ATP6V1C1: variants seen among roughly 807,000 people sequenced by gnomAD.
The protein encoded by ATP6V1C1 is ATPase H+ transporting V1 subunit C1.
A neutral mutation model predicts 53.9 loss-of-function variants in ATP6V1C1; 45 were observed. The ratio of observed to expected loss-of-function variants is 0.83; its 90% confidence interval spans 0.66 to 1.07. The LOEUF is 1.07. Ranked by LOEUF, ATP6V1C1 falls within the 50% of genes least tolerant of loss-of-function variation. The pLI is 0.00. For synonymous variants in ATP6V1C1, 153 were observed against 155.2 expected (o/e 0.99, Z 0.11); for missense variants, 315 against 440.3 (o/e 0.72, Z 2.55).
intron 5 of ATP6V1C1, 29 bp from the exon 6 acceptor site, chr8:103,052,702 T>C: frequency 6.8e-7 from 1 of 1,471,430 alleles, no homozygotes; most frequent in Non-Finnish European, 9.1e-7. Context: ...GAAAATTTTA[T>C]CTATTTTTCT....
At chr8:103,022,171 A>T (rs550036219) in intron 1 of ATP6V1C1, among the ~76,000 whole-genome samples, 9 of 152,340 alleles carry the variant, frequency 5.9e-5, no homozygotes, top group African/African-American at 1.9e-4. Flanking sequence ...CTATGGGAAG[A>T]TATTCTGGAG....
intron 8 of ATP6V1C1, 119 bp from the exon 9 acceptor site, chr8:103,062,836 T>G: frequency 2.7e-6 from 2 of 739,360 alleles, no homozygotes; most frequent in Non-Finnish European, 4.5e-6. Flanking sequence ...AGCATTGAGG[T>G]GATTTGGGAA....
At chr8:103,062,229 G>C (rs886156972) in intron 8 of ATP6V1C1, among the ~76,000 whole-genome samples, 4 of 130,024 alleles carry the variant, frequency 3.1e-5, no homozygotes, top group African/African-American at 8.8e-5. Context: ...GGAGTGCAGT[G>C]GTGCAATCTC....
Position 103,070,901 on chromosome 8 carries a change from A to C in ATP6V1C1, c.*2154A>C, listed in dbSNP as rs2131409007. ...TAAAATGGGCATGATTAGAGTGCCC[A>C]CCGCATTAGGGATGTTGGGGTGAGT... is the stretch of plus-strand genomic sequence containing the variant. On this transcript the variant is annotated 3_prime_UTR_variant, in exon 13 of 13. Coordinates refer to ENST00000518738, the MANE Select transcript of ATP6V1C1 (RefSeq NM_001695.5). 1 of 152,248 alleles carries C rather than the reference A, an allele frequency of 6.6e-6. No individual in the cohort carries two copies. Among genetic ancestry groups the C allele is most frequent in the East Asian group, 1.9e-4 (1 of 5,194 alleles). The allele number at this position is 152,248 out of a possible 1,614,324, so 9.4% of individuals were successfully genotyped here. A position where few individuals can be genotyped will look rare whatever the true frequency, so the allele number is the denominator to read the frequency against.
intron 1 of ATP6V1C1, among the ~76,000 whole-genome samples, chr8:103,032,742 T>A (rs1302832336): frequency 6.6e-6 from 1 of 152,116 alleles, no homozygotes; most frequent in Non-Finnish European, 1.5e-5. Context: ...CCTCCCAAAG[T>A]GTTGGGATTA....
rs1392778767 is a variant in ATP6V1C1, at chr8:103,070,848, T to TG, written c.*2103dup. The TG allele has an allele frequency of 6.6e-6, 1 of 152,142 alleles. No homozygotes were observed. The highest frequency in any genetic ancestry group is 1.9e-4 in the East Asian group (1 of 5,194). 9.4% of individuals were successfully genotyped at this position (152,142 alleles called of 1,614,324 possible). On this transcript the variant is annotated 3_prime_UTR_variant, in exon 13 of 13. Coordinates refer to ENST00000518738, the MANE Select transcript of ATP6V1C1 (RefSeq NM_001695.5). ...ACGAGCTGTGTGGTCCTGGGCAGAG[T>TG]GGTCTCCGAGTTCCAGTCCCTCCTC... is the stretch of plus-strand genomic sequence containing the variant.
In ATP6V1C1 at chr8:103,068,679, C is replaced by T; in HGVS notation, c.1081C>T (p.Leu361=). 7 of 1,609,130 alleles carry T rather than the reference C, an allele frequency of 4.4e-6. No homozygotes were observed. The highest frequency in any genetic ancestry group is 5.9e-6 in the Non-Finnish European group (7 of 1,177,876). The change falls in exon 13 of 13, where the codon CTG becomes TTG. Residue 361 remains leucine (L), a synonymous_variant. Coordinates refer to ENST00000518738, the MANE Select transcript of ATP6V1C1 (RefSeq NM_001695.5). ...TCCTATGGATATTCCAGGTTTAAAC[C>T]TGAGTCAACAAGAATACTACCCCTA... is the stretch of plus-strand genomic sequence containing the variant. ...DAPMDIPGLN[L]SQQEYYPYVY... is the part of the protein sequence containing the mutation.
intron 8 of ATP6V1C1, 37 bp from the exon 9 acceptor site, chr8:103,062,918 G>T (rs200727877): frequency 6.3e-7 from 1 of 1,579,606 alleles, no homozygotes. Flanking sequence ...ACAGCAATAC[G>T]TATAAATCTT....
At position 103,043,471 on chromosome 8, in the gene ATP6V1C1, C is replaced by T. The variant is rs565445225; in HGVS notation, c.200+1064C>T. ...CTGAGTAGCTGGGATTACAGGCACCCACCACCACGCCCAGCTAATTTTTTT... is the reference window on the plus strand; with the variant it reads ...CTGAGTAGCTGGGATTACAGGCACCTACCACCACGCCCAGCTAATTTTTTT... On this transcript the variant is annotated intron_variant, in intron 3 of 12. Transcript: ENST00000518738. Among the ~76,000 whole-genome samples the T allele has an allele frequency of 2.9e-3, 435 of 151,096 alleles. 13 individuals are homozygous for T. Among genetic ancestry groups the T allele is most frequent in the Admixed American group, 0.025 (386 of 15,216 alleles).
chr8:103,035,688 CA>C (rs1419591350), intron 1 of ATP6V1C1, among the ~76,000 whole-genome samples: 1 of 152,112 alleles, frequency 6.6e-6, no homozygotes, highest in Non-Finnish European at 1.5e-5. Context: ...TACTTTCCAA[CA>C]GCTGGGTGAA....
intron 10 of ATP6V1C1, 44 bp from the exon 11 acceptor site, chr8:103,064,670 T>G: frequency 6.5e-7 from 1 of 1,544,948 alleles, no homozygotes; most frequent in Non-Finnish European, 8.8e-7. Flanking sequence ...ATCTAATTGC[T>G]ATTTCTAAGA....
At chr8:103,039,094 A>G (rs1816948990) in intron 1 of ATP6V1C1, among the ~76,000 whole-genome samples, 1 of 152,252 alleles carries the variant, frequency 6.6e-6, no homozygotes, top group East Asian at 1.9e-4. Flanking sequence ...TAGTTTCTTA[A>G]CATTCATTTA....
intron 1 of ATP6V1C1, among the ~76,000 whole-genome samples, chr8:103,038,703 G>A (rs1816941439): frequency 6.6e-6 from 1 of 152,142 alleles, no homozygotes; most frequent in Admixed American, 6.5e-5. Context: ...CTAAAAATAG[G>A]TTGAATGAAA....
At chr8:103,052,665 T>C in intron 5 of ATP6V1C1, 66 bp from the exon 6 acceptor site, 1 of 823,738 alleles carries the variant, frequency 1.2e-6, no homozygotes, top group Non-Finnish European at 1.8e-6. Flanking sequence ...TTAGCTACTT[T>C]GATAGTATTA....
intron 1 of ATP6V1C1, among the ~76,000 whole-genome samples, chr8:103,027,490 A>AC (rs1025302232): frequency 2.2e-4 from 33 of 150,760 alleles, no homozygotes; most frequent in African/African-American, 7.6e-4. Flanking sequence ...CTTATAACCA[A>AC]CCCCCCCTCA....
chr8:103,064,108 A>G (rs1036413797), intron 10 of ATP6V1C1, among the ~76,000 whole-genome samples: 2 of 152,290 alleles, frequency 1.3e-5, no homozygotes, highest in African/African-American at 4.8e-5. Context: ...TGTTAGCTGA[A>G]TCTTTTAAGT....
intron 11 of ATP6V1C1, 111 bp from the exon 12 acceptor site, chr8:103,066,210 T>C: frequency 8.0e-7 from 1 of 1,251,748 alleles, no homozygotes; most frequent in Non-Finnish European, 1.1e-6. Flanking sequence ...TAAAGGGAGA[T>C]ATTCTCTCCC....
chr8:103,063,578 G>A (rs1184947147), intron 10 of ATP6V1C1, among the ~76,000 whole-genome samples: 1 of 152,166 alleles, frequency 6.6e-6, no homozygotes, highest in Admixed American at 6.5e-5. Flanking sequence ...CCTTGTAGGT[G>A]AAGGGTGATT....
intron 8 of ATP6V1C1, among the ~76,000 whole-genome samples, chr8:103,059,383 T>G (rs1817351908): frequency 6.6e-6 from 1 of 152,126 alleles, no homozygotes; most frequent in African/African-American, 2.4e-5. Flanking sequence ...CCTAGGTAAC[T>G]GACACTATCA....
Sources: gnomAD v4.1 joint callset for allele counts (sites outside exome capture counted in the v4.1 genomes callset) on GRCh38, gnomAD v4.1.1 for gene constraint, MANE v1.5 for transcripts, NCBI Gene and HGNC (gene_info 2026-07-23, HGNC 2026-07-21) for gene names.